WDR72: variants seen among roughly 807,000 people sequenced by gnomAD.
The protein encoded by WDR72 is WD repeat-containing protein 72.
Under a neutral mutation model 124.2 loss-of-function variants are expected in WDR72, and 120 were observed. The ratio of observed to expected loss-of-function variants is 0.97; its 90% CI spans 0.83 to 1.12. The LOEUF (loss-of-function observed/expected upper bound fraction) is 1.12. Ranked by LOEUF, WDR72 falls within the 50% of genes most tolerant of loss-of-function variation. WDR72 has a pLI of 0.00. For synonymous variants in WDR72, 452 were observed against 441.7 expected (o/e 1.02, Z -0.29); for missense variants, 1,387 against 1,278.8 (o/e 1.08, Z -1.29).
At chr15:53,630,355 C>A (rs1047983236) in intron 14 of WDR72, among the ~76,000 whole-genome samples, 1 of 152,130 alleles carries the variant, frequency 6.6e-6, no homozygotes, top group African/African-American at 2.4e-5. Context: ...CTTCCCAAAT[C>A]TCTCTAAGAG....
intron 13 of WDR72, among the ~76,000 whole-genome samples, chr15:53,676,384 C>A (rs1189586581): frequency 6.6e-6 from 1 of 152,110 alleles, no homozygotes; most frequent in African/African-American, 2.4e-5. Flanking sequence ...TCAAATAGAC[C>A]AGGCCTAATT....
At position 53,597,073 on chromosome 15, in the gene WDR72, A is replaced by G; in HGVS notation, c.3148+6T>C. 1 of 1,613,394 alleles carries G rather than the reference A, an allele frequency of 6.2e-7. No individual in the cohort carries two copies. Among genetic ancestry groups the G allele is most frequent in the Middle Eastern group, 1.7e-4 (1 of 6,038 alleles). ...GAAAGAGTATACCAATAAATTTTGT[A>G]CTTACTTTGCAGAGGCAAAGTGTTT... On this transcript the variant is annotated splice_donor_region_variant and intron_variant, in intron 18 of 19. Coordinates refer to ENST00000360509, the MANE Select transcript of WDR72 (RefSeq NM_182758.4).
intron 14 of WDR72, among the ~76,000 whole-genome samples, chr15:53,627,184 G>C (rs1329362775): frequency 6.6e-6 from 1 of 152,130 alleles, no homozygotes; most frequent in Non-Finnish European, 1.5e-5. Flanking sequence ...TATCCACTTA[G>C]ATTCTTCAAA....
intron 18 of WDR72, among the ~76,000 whole-genome samples, chr15:53,591,447 G>C (rs1375502002): frequency 6.6e-6 from 1 of 151,948 alleles, no homozygotes; most frequent in African/African-American, 2.4e-5. Context: ...AATCATATCT[G>C]CCTAACTGTA....
chr15:53,695,075 C>A (rs942640767), intron 13 of WDR72, among the ~76,000 whole-genome samples: 1 of 152,108 alleles, frequency 6.6e-6, no homozygotes, highest in Non-Finnish European at 1.5e-5. Flanking sequence ...CAGCCCTCTA[C>A]AGAAAAAAGT....
chr15:53,598,357 T>G (rs2012880159), intron 17 of WDR72, among the ~76,000 whole-genome samples: 3 of 152,250 alleles, frequency 2.0e-5, no homozygotes, highest in Admixed American at 2.0e-4. Context: ...AATTCACCAC[T>G]GGACCCCTCC....
rs1034074885 is a variant in WDR72, at chr15:53,546,227, C to T, written c.3149-22905G>A. Among the ~76,000 whole-genome samples the T allele has an allele frequency of 4.0e-5, 6 of 151,028 alleles. No individual in the cohort carries two copies. The South Asian group carries it at 6.3e-4, about 16-fold the overall frequency. ...GACACATGCACACGTATGTTTATTG[C>T]GGCATTATTCACAATAGCAAAGACT... On this transcript the variant is annotated intron_variant, in intron 18 of 19. Transcript: ENST00000360509.
intron 14 of WDR72, among the ~76,000 whole-genome samples, chr15:53,637,674 T>C (rs899384602): frequency 2.6e-5 from 4 of 152,172 alleles, no homozygotes; most frequent in African/African-American, 9.7e-5. Flanking sequence ...CCTGTGCCTG[T>C]TACCCAAATG....
chr15:53,608,348 T>C (rs939411499), intron 17 of WDR72, among the ~76,000 whole-genome samples: 4 of 152,116 alleles, frequency 2.6e-5, no homozygotes, highest in African/African-American at 9.7e-5. Flanking sequence ...ATAAAAAAAA[T>C]GAGATCCTGT....
At chr15:53,555,445 A>G (rs1253128841) in intron 18 of WDR72, among the ~76,000 whole-genome samples, 1 of 152,002 alleles carries the variant, frequency 6.6e-6, no homozygotes, top group Non-Finnish European at 1.5e-5. Flanking sequence ...AAAGAGAGAG[A>G]GAACATGTGC....
intron 14 of WDR72, among the ~76,000 whole-genome samples, chr15:53,659,996 A>G (rs2140441623): frequency 6.6e-6 from 1 of 152,186 alleles, no homozygotes; most frequent in Admixed American, 6.5e-5. Flanking sequence ...ATGACTGTTC[A>G]TCAAGTGTTT....
chr15:53,540,550 A>G (rs71474836), intron 18 of WDR72, among the ~76,000 whole-genome samples: 1 of 147,770 alleles, frequency 6.8e-6, no homozygotes, highest in South Asian at 2.2e-4. Context: ...ACATAACAAT[A>G]CAGCAAACCA....
intron 18 of WDR72, among the ~76,000 whole-genome samples, chr15:53,526,918 G>A (rs1892151487): frequency 6.6e-6 from 1 of 152,058 alleles, no homozygotes. Context: ...AAGATGTAAG[G>A]CTATTCCATT....
At chr15:53,667,347 C>T (rs959239247) in intron 13 of WDR72, among the ~76,000 whole-genome samples, 1 of 152,034 alleles carries the variant, frequency 6.6e-6, no homozygotes, top group African/African-American at 2.4e-5. Flanking sequence ...GAACGAGACC[C>T]TGTCTCAAAA....
At chr15:53,618,273 T>G (rs1429003798) in intron 14 of WDR72, among the ~76,000 whole-genome samples, 1 of 152,024 alleles carries the variant, frequency 6.6e-6, no homozygotes, top group Non-Finnish European at 1.5e-5. Context: ...TTTTGCATGT[T>G]TTTGCATGTT....
intron 13 of WDR72, among the ~76,000 whole-genome samples, chr15:53,688,212 G>T (rs552659950): frequency 1.3e-5 from 2 of 150,618 alleles, no homozygotes; most frequent in South Asian, 2.1e-4. Context: ...GTTCTGGCCA[G>T]GGCAATTAGG....
chr15:53,684,774 A>G (rs1414187733), intron 13 of WDR72: 1 of 153,928 alleles, frequency 6.5e-6, no homozygotes, highest in Non-Finnish European at 1.4e-5. Context: ...GACAAACAAA[A>G]AAGACAGCAG....
At chr15:53,749,323 A>G (rs1286560961) in intron 1 of WDR72, among the ~76,000 whole-genome samples, 1 of 152,108 alleles carries the variant, frequency 6.6e-6, no homozygotes, top group Admixed American at 6.5e-5. Context: ...CATTTTTATT[A>G]TATCTGTTGT....
intron 17 of WDR72, among the ~76,000 whole-genome samples, chr15:53,608,318 C>G (rs537419148): frequency 6.6e-6 from 1 of 152,204 alleles, no homozygotes; most frequent in African/African-American, 2.4e-5. Context: ...TACACATACA[C>G]AATACAGCAC....
Sources: gnomAD v4.1 joint callset for allele counts (sites outside exome capture counted in the v4.1 genomes callset) on GRCh38, gnomAD v4.1.1 for gene constraint, MANE v1.5 for transcripts, NCBI Gene and HGNC (gene_info 2026-07-23, HGNC 2026-07-21) for gene names.